The following TJAP1 variants were observed in gnomAD, a reference collection of about 807,000 sequenced individuals.
TJAP1 encodes the protein tight junction associated protein 1.
In TJAP1, 27 loss-of-function variants were observed where a neutral mutation model predicts 42.0. The observed-to-expected ratio is 0.64, with a 90% CI of 0.47 to 0.89. TJAP1 has a LOEUF of 0.89. TJAP1 is among the 40% of genes least tolerant of loss of function. The pLI, the probability that TJAP1 is intolerant of heterozygous loss-of-function variation, is 0.00. For missense variants in TJAP1, 712 were observed against 726.9 expected (o/e 0.98, Z 0.24); for synonymous variants, 257 against 288.4 (o/e 0.89, Z 1.10).
intron 4 of TJAP1, among the ~76,000 whole-genome samples, chr6:43,500,154 T>C (rs1790193706): frequency 6.6e-6 from 1 of 152,188 alleles, no homozygotes; most frequent in Non-Finnish European, 1.5e-5. Context: ...TGGCTGAACT[T>C]GACTCTTGAG....
intron 10 of TJAP1, chr6:43,504,471 AT>A (rs995797914): frequency 6.6e-6 from 3 of 457,552 alleles, no homozygotes; most frequent in Admixed American, 7.4e-5. Flanking sequence ...AAACTTAAGT[AT>A]GGTTTGGGCA....
intron 2 of TJAP1, among the ~76,000 whole-genome samples, chr6:43,481,491 C>G (rs1181516662): frequency 2.8e-5 from 4 of 142,612 alleles, no homozygotes; most frequent in Admixed American, 2.1e-4. Flanking sequence ...CACCCCCCCC[C>G]CAAAAAAAAA....
In TJAP1 at chr6:43,502,908, G is replaced by T. The variant is rs548788425; in HGVS notation, c.387+291G>T. 228 of 551,102 alleles carry T rather than the reference G, an allele frequency of 4.1e-4. 1 individual carries two copies. Among genetic ancestry groups the T allele is most frequent in the Non-Finnish European group, 6.7e-4 (205 of 306,552 alleles). 34.1% of individuals were successfully genotyped at this position (551,102 alleles called of 1,614,324 possible). A position where few individuals can be genotyped will look rare whatever the true frequency, so the allele number is the denominator to read the frequency against. ...CCAGGCTGTGGGAGTGGGGAGGGGA[G>T]GCTGCAGATCCAGTCCCTGAACTGG... On this transcript the variant is annotated intron_variant, in intron 8 of 10. Coordinates refer to ENST00000372449, the Ensembl canonical transcript of TJAP1.
At chr6:43,486,665 AT>A (rs1430697776) in intron 2 of TJAP1, among the ~76,000 whole-genome samples, 4 of 150,202 alleles carry the variant, frequency 2.7e-5, no homozygotes, top group Admixed American at 6.6e-5. Context: ...TCCAGTAGCT[AT>A]TTTTTTTTGC....
intron 8 of TJAP1, 101 bp downstream of exon 8, chr6:43,502,718 C>A: frequency 2.3e-6 from 3 of 1,288,796 alleles, no homozygotes; most frequent in Non-Finnish European, 2.2e-6. Flanking sequence ...CCCTTGAGTA[C>A]ACCCGCTCCT....
chr6:43,496,507 CA>C (rs962557013), intron 2 of TJAP1, among the ~76,000 whole-genome samples: 1 of 152,228 alleles, frequency 6.6e-6, no homozygotes, highest in African/African-American at 2.4e-5. Flanking sequence ...TGCCTCCTGT[CA>C]GGGGGAGGAG....
At chr6:43,504,049 C>G (rs755868455) in intron 10 of TJAP1, 5 of 464,444 alleles carry the variant, frequency 1.1e-5, no homozygotes, top group Admixed American at 2.9e-5. Flanking sequence ...GGGGTAAACT[C>G]TAGACCCCAC....
intron 2 of TJAP1, among the ~76,000 whole-genome samples, chr6:43,485,404 G>C (rs890703098): frequency 1.3e-5 from 2 of 152,062 alleles, no homozygotes; most frequent in Non-Finnish European, 2.9e-5. Flanking sequence ...TAGTTGATGG[G>C]GGTAGTCCTT....
In TJAP1 at chr6:43,500,653, C is replaced by T. The variant is rs563880854; in HGVS notation, c.100-91C>T. ...CTGCTATAAGAGTCTTTGGGCTTCA[C>T]ACCTGAGCCTTCTTGTGGCTATTTG... On this transcript the variant is annotated intron_variant, in intron 4 of 10. Coordinates refer to ENST00000372449, the Ensembl canonical transcript of TJAP1. The T allele has an allele frequency of 2.2e-4, 325 of 1,466,292 alleles. 1 individual carries two copies. Among genetic ancestry groups the T allele is most frequent in the Non-Finnish European group, 3.0e-4 (309 of 1,045,670 alleles). The allele number at this position is 1,466,292 out of a possible 1,614,324, so 90.8% of individuals were successfully genotyped here.
rs767276724 is a variant in TJAP1 at position 43,503,856 on chromosome 6, T to C, written c.579+150T>C. 27 of 748,382 alleles carry C rather than the reference T, an allele frequency of 3.6e-5. No homozygotes were observed. The East Asian group carries it at 7.0e-4, about 19-fold the overall frequency. The allele number at this position is 748,382 out of a possible 1,614,324, so 46.4% of individuals were successfully genotyped here. A position where few individuals can be genotyped will look rare whatever the true frequency, so the allele number is the denominator to read the frequency against. On this transcript the variant is annotated intron_variant, in intron 10 of 10. Transcript: ENST00000372449. ...TGTCACCTCTCAAGCCAGTCAACTC[T>C]GCCACTGGTTGGTGTCCCGTGTACT...
intron 2 of TJAP1, among the ~76,000 whole-genome samples, chr6:43,493,460 C>T (rs17209421): frequency 0.035 from 5,315 of 152,140 alleles, 125 homozygotes; most frequent in Non-Finnish European, 0.051. Context: ...TAGTGCAGAA[C>T]GTGGGGAGCT....
rs1788905466 is a variant in TJAP1 at position 43,495,516 on chromosome 6, A to G, written c.-121-2365A>G. 1.3e-5 allele frequency among the ~76,000 whole-genome samples: 2 copies of G among 152,130 alleles called. No individual in the cohort carries two copies. Among genetic ancestry groups the G allele is most frequent in the Non-Finnish European group, 2.9e-5 (2 of 68,008 alleles). On this transcript the variant is annotated intron_variant, in intron 2 of 10. Coordinates refer to ENST00000372449, the Ensembl canonical transcript of TJAP1. The surrounding 1 kb of genome is among the most constrained non-coding windows in gnomAD (Gnocchi z 4.6). ...ACATCTCCCTCGCAGCCTGGTGTTG[A>G]GGAACACCATGGGCCCCCTGGTGGA...
At chr6:43,504,140 A>C in intron 10 of TJAP1, 1 of 294,574 alleles carries the variant, frequency 3.4e-6, no homozygotes, top group South Asian at 3.0e-5. Flanking sequence ...TTTGAGACGG[A>C]GTCTTGCTCT....
At chr6:43,490,060 T>C (rs1787461845) in intron 2 of TJAP1, among the ~76,000 whole-genome samples, 1 of 152,224 alleles carries the variant, frequency 6.6e-6, no homozygotes, top group African/African-American at 2.4e-5. Flanking sequence ...TAACCTGCCC[T>C]GGGGTGCCAC....
chr6:43,479,121 C>T (rs543621361), intron 2 of TJAP1, among the ~76,000 whole-genome samples: 1 of 152,334 alleles, frequency 6.6e-6, no homozygotes, highest in South Asian at 2.1e-4. Flanking sequence ...CCAGAGAACA[C>T]AGTGAATGTG....
chr6:43,490,659 C>T (rs538360781), intron 2 of TJAP1, among the ~76,000 whole-genome samples: 16 of 152,326 alleles, frequency 1.1e-4, no homozygotes, highest in African/African-American at 3.8e-4. Context: ...GGCCCCAAAC[C>T]AGGGACCCAT....
Position 43,491,354 on chromosome 6 carries a change from G to T in TJAP1, c.-121-6527G>T, listed in dbSNP as rs752135553. Among the ~76,000 whole-genome samples, 3 of 152,134 alleles carry T rather than the reference G, an allele frequency of 2.0e-5. No individual in the cohort carries two copies. Among genetic ancestry groups the T allele is most frequent in the Non-Finnish European group, 4.4e-5 (3 of 68,018 alleles). ...TGCCCAGGCTGGAGTGCAATGGCAC[G>T]ATCTCGGCTTTCTGCAACCTCCGCC... On this transcript the variant is annotated intron_variant, in intron 2 of 10. Coordinates refer to ENST00000372449, the Ensembl canonical transcript of TJAP1. The surrounding 1 kb of genome is among the most constrained non-coding windows in gnomAD (Gnocchi z 4.6).
At chr6:43,493,480 T>A (rs567969810) in intron 2 of TJAP1, among the ~76,000 whole-genome samples, 4 of 152,114 alleles carry the variant, frequency 2.6e-5, no homozygotes, top group African/African-American at 9.6e-5. Context: ...TGGAGATGTT[T>A]GGTGGGGAAG....
intron 2 of TJAP1, among the ~76,000 whole-genome samples, chr6:43,480,051 A>G (rs973819491): frequency 2.0e-5 from 3 of 152,202 alleles, no homozygotes; most frequent in African/African-American, 7.2e-5. Context: ...TTAATGGCAT[A>G]GCTTTGTATG....
Sources: allele counts gnomAD v4.1 joint callset (sites outside exome capture counted in the v4.1 genomes callset), GRCh38; gene constraint gnomAD v4.1.1; non-coding constraint Gnocchi (gnomAD v3.1); transcripts MANE v1.5; gene names NCBI Gene and HGNC (gene_info 2026-07-23, HGNC 2026-07-21).